PARD3: variants seen among roughly 807,000 people sequenced by gnomAD.
The protein encoded by PARD3 is partitioning defective 3 homolog.
Under a neutral mutation model 155.4 loss-of-function variants are expected in PARD3, and 75 were observed. The observed-to-expected ratio is 0.48, with a 90% CI of 0.40 to 0.58. PARD3 has a LOEUF of 0.58. PARD3 is among the 20% of genes least tolerant of loss of function. The pLI, the probability that PARD3 is intolerant of heterozygous loss-of-function variation, is 0.00. For missense variants in PARD3, 1,642 were observed against 1,721.7 expected (o/e 0.95, Z 0.82); for synonymous variants, 576 against 610.5 (o/e 0.94, Z 0.83).
intron 20 of PARD3, among the ~76,000 whole-genome samples, chr10:34,288,002 G>A (rs1020161911): frequency 6.6e-6 from 1 of 152,164 alleles, no homozygotes; most frequent in African/African-American, 2.4e-5. Flanking sequence ...CTTAAGGTCA[G>A]GAGTTCAAGA....
At chr10:34,731,035 G>A (rs755761658) in intron 1 of PARD3, among the ~76,000 whole-genome samples, 8 of 151,918 alleles carry the variant, frequency 5.3e-5, no homozygotes, top group African/African-American at 9.7e-5. Context: ...AAACTTCTAC[G>A]GGCAGGGTTT....
chr10:34,213,704 T>A (rs997643231), intron 22 of PARD3, among the ~76,000 whole-genome samples: 1 of 152,136 alleles, frequency 6.6e-6, no homozygotes, highest in Non-Finnish European at 1.5e-5. Flanking sequence ...GATGGCTACA[T>A]GATACCAGGG....
intron 1 of PARD3, among the ~76,000 whole-genome samples, chr10:34,799,532 T>G (rs1346945765): frequency 6.6e-6 from 1 of 152,150 alleles, no homozygotes; most frequent in Non-Finnish European, 1.5e-5. Flanking sequence ...ACTTCTTCCC[T>G]GAACCCATAA....
intron 2 of PARD3, among the ~76,000 whole-genome samples, chr10:34,570,598 G>A (rs980201857): frequency 6.6e-6 from 1 of 152,148 alleles, no homozygotes. Flanking sequence ...CGATGCCTTG[G>A]GAATCTGGGT....
intron 22 of PARD3, among the ~76,000 whole-genome samples, chr10:34,137,664 T>C (rs1437641019): frequency 1.3e-5 from 2 of 152,236 alleles, no homozygotes; most frequent in African/African-American, 4.8e-5. Context: ...ACTGATTGTA[T>C]GCTGGGTGTA....
intron 2 of PARD3, among the ~76,000 whole-genome samples, chr10:34,586,161 T>C (rs1357575861): frequency 2.0e-5 from 3 of 152,082 alleles, no homozygotes; most frequent in South Asian, 4.2e-4. Context: ...TGGAAATCCC[T>C]GAAAATAAAG....
In PARD3 at chr10:34,637,138, C is replaced by A. The variant is rs151275045; in HGVS notation, c.222+59180G>T. On this transcript the variant is annotated intron_variant, in intron 2 of 24. Transcript: ENST00000374788. ...TAGTGCCTGCTTTATTTCCAGAAAT[C>A]AATAAGTAAAATAAACCTGTTAGCC... Among the ~76,000 whole-genome samples, 276 of 152,282 alleles carry A rather than the reference C, an allele frequency of 1.8e-3. 5 individuals are homozygous for A. The East Asian group carries it at 0.043, about 24-fold the overall frequency.
At chr10:34,253,275 A>G (rs1954438827) in intron 22 of PARD3, among the ~76,000 whole-genome samples, 1 of 152,214 alleles carries the variant, frequency 6.6e-6, no homozygotes, top group South Asian at 2.1e-4. Context: ...CGCAACAGAT[A>G]CTGTCCTTGA....
intron 22 of PARD3, among the ~76,000 whole-genome samples, chr10:34,227,340 T>C (rs533544726): frequency 6.6e-6 from 1 of 152,262 alleles, no homozygotes; most frequent in East Asian, 1.9e-4. Flanking sequence ...GAATGACTAT[T>C]ATTAAAAAGT....
At chr10:34,725,045 TGTGA>T (rs1202740526) in intron 1 of PARD3, among the ~76,000 whole-genome samples, 2 of 151,856 alleles carry the variant, frequency 1.3e-5, no homozygotes, top group South Asian at 2.1e-4. Flanking sequence ...ATCTGAGAAA[TGTGA>T]GTAACAAGAG....
Position 34,324,224 on chromosome 10 carries a change from G to A in PARD3, c.2834-6886C>T, listed in dbSNP as rs946694715. The stretch of plus-strand genomic sequence containing the variant: ...TGCTTTACTTTGCTTTTGTGTGTGT[G>A]AGGAATCAGAATGCCTGCTTCCCAA... On this transcript the variant is annotated intron_variant, in intron 19 of 24. Coordinates refer to ENST00000374788, the MANE Select transcript of PARD3 (RefSeq NM_001184785.2). 8.5e-5 allele frequency among the ~76,000 whole-genome samples: 13 copies of A among 152,226 alleles called. 1 individual carries two copies. The highest frequency in any genetic ancestry group is 7.9e-4 in the Admixed American group (12 of 15,284).
At chr10:34,119,834 T>C in intron 23 of PARD3, 94 bp from the exon 24 acceptor site, 1 of 1,096,950 alleles carries the variant, frequency 9.1e-7, no homozygotes, top group East Asian at 2.8e-5. Context: ...TGAATTGACT[T>C]TGAAAATTTT....
intron 15 of PARD3, chr10:34,345,853 T>C (rs1589250387): frequency 2.0e-6 from 2 of 985,128 alleles, no homozygotes; most frequent in Admixed American, 6.2e-5. Flanking sequence ...CGGCCAAAGA[T>C]ACTAGAATAA....
intron 2 of PARD3, among the ~76,000 whole-genome samples, chr10:34,673,264 A>C (rs1357657037): frequency 6.6e-6 from 1 of 152,206 alleles, no homozygotes; most frequent in Non-Finnish European, 1.5e-5. Flanking sequence ...TTTGGGAGAA[A>C]GCTTATTTGC....
intron 2 of PARD3, among the ~76,000 whole-genome samples, chr10:34,607,336 A>G (rs75879572): frequency 0.012 from 1,849 of 152,350 alleles, 41 homozygotes; most frequent in African/African-American, 0.041. Context: ...TCACAGACAT[A>G]TCAGAAATAA....
At chr10:34,327,966 A>T (rs1835211411) in intron 19 of PARD3, among the ~76,000 whole-genome samples, 1 of 152,178 alleles carries the variant, frequency 6.6e-6, no homozygotes, top group Non-Finnish European at 1.5e-5. Context: ...AGCCACAGAG[A>T]CAGCAAGTCC....
At chr10:34,165,096 A>AG (rs1949465953) in intron 22 of PARD3, among the ~76,000 whole-genome samples, 1 of 152,138 alleles carries the variant, frequency 6.6e-6, no homozygotes, top group Non-Finnish European at 1.5e-5. Context: ...ACTAAAAAAA[A>AG]AAGGTTCCTT....
chr10:34,741,187 T>TTTTTTTG (rs1554823647), intron 1 of PARD3, among the ~76,000 whole-genome samples: 1 of 137,138 alleles, frequency 7.3e-6, no homozygotes, highest in Non-Finnish European at 1.6e-5. Flanking sequence ...TTTTTTTTTT[T>TTTTTTTG]TTTTTTTGTT....
chr10:34,667,198 T>C (rs1019665086), intron 2 of PARD3, among the ~76,000 whole-genome samples: 1 of 152,042 alleles, frequency 6.6e-6, no homozygotes, highest in African/African-American at 2.4e-5. Context: ...AGTTGAGAAA[T>C]AGGTTAGAAA....
Sources: allele counts gnomAD v4.1 joint callset (sites outside exome capture counted in the v4.1 genomes callset), GRCh38; gene constraint gnomAD v4.1.1; transcripts MANE v1.5; gene names NCBI Gene and HGNC (gene_info 2026-07-23, HGNC 2026-07-21).